The following MRAS variants were observed in gnomAD, a reference collection of about 807,000 sequenced individuals.
MRAS encodes the protein muscle RAS oncogene homolog.
A neutral mutation model predicts 20.9 loss-of-function variants in MRAS; 4 were observed. The ratio of observed to expected loss-of-function variants is 0.19; its 90% CI spans 0.09 to 0.44. The LOEUF (loss-of-function observed/expected upper bound fraction) is 0.44, where lower values mean the gene tolerates loss of function less well. MRAS is among the 20% of genes least tolerant of loss of function. The pLI is 0.99. For synonymous variants in MRAS, 98 were observed against 102.9 expected (o/e 0.95, Z 0.29); for missense variants, 154 against 277.5 (o/e 0.56, Z 3.16).
At chr3:138,358,457 C>T (rs1310554685) in intron 1 of MRAS, among the ~76,000 whole-genome samples, 1 of 152,218 alleles carries the variant, frequency 6.6e-6, no homozygotes, top group African/African-American at 2.4e-5. Flanking sequence ...ATTAAGCTAT[C>T]ATTATTACTA....
chr3:138,362,995 T>A (rs1265626585), intron 1 of MRAS, among the ~76,000 whole-genome samples: 1 of 152,078 alleles, frequency 6.6e-6, no homozygotes, highest in Non-Finnish European at 1.5e-5. Context: ...TTTTGTCGCT[T>A]CTATTCTTTA....
chr3:138,355,258 G>T (rs1193835436), intron 1 of MRAS, among the ~76,000 whole-genome samples: 1 of 152,142 alleles, frequency 6.6e-6, no homozygotes, highest in Admixed American at 6.5e-5. Flanking sequence ...GAGTAAGGCG[G>T]CAGAGCCAAC....
intron 1 of MRAS, among the ~76,000 whole-genome samples, chr3:138,352,644 CCTT>C (rs2054250873): frequency 6.6e-6 from 1 of 152,076 alleles, no homozygotes; most frequent in Non-Finnish European, 1.5e-5. Flanking sequence ...GCTGAAGTGA[CCTT>C]CTGAGTCTCA....
intron 1 of MRAS, among the ~76,000 whole-genome samples, chr3:138,366,601 G>A (rs1283044702): frequency 6.6e-6 from 1 of 152,250 alleles, no homozygotes; most frequent in Non-Finnish European, 1.5e-5. Flanking sequence ...CAGCAACAAT[G>A]ATGAAGAATG....
At chr3:138,384,609 A>G (rs1336088156) in intron 2 of MRAS, among the ~76,000 whole-genome samples, 1 of 152,146 alleles carries the variant, frequency 6.6e-6, no homozygotes, top group Non-Finnish European at 1.5e-5. Context: ...TTTCACACAT[A>G]CAAGTAGAAG....
intron 2 of MRAS, among the ~76,000 whole-genome samples, chr3:138,395,233 G>A (rs1034514744): frequency 1.3e-5 from 2 of 151,898 alleles, no homozygotes; most frequent in African/African-American, 4.8e-5. Context: ...TAGAGACGGG[G>A]TTTCATTTGG....
chr3:138,365,114 A>C (rs970291156), intron 1 of MRAS, among the ~76,000 whole-genome samples: 3 of 152,236 alleles, frequency 2.0e-5, no homozygotes, highest in African/African-American at 7.2e-5. Context: ...AAGTTATTTT[A>C]CTACTCTGTG....
chr3:138,364,284 A>G (rs1476418195), intron 1 of MRAS, among the ~76,000 whole-genome samples: 2 of 152,162 alleles, frequency 1.3e-5, no homozygotes, highest in East Asian at 3.9e-4. Context: ...AAGGCTTTGG[A>G]GAAGCAGGAG....
intron 2 of MRAS, among the ~76,000 whole-genome samples, chr3:138,394,449 T>G (rs2055193688): frequency 6.6e-6 from 1 of 152,106 alleles, no homozygotes; most frequent in South Asian, 2.1e-4. Context: ...TGGGGACAGG[T>G]GACTTTCTTG....
intron 5 of MRAS, among the ~76,000 whole-genome samples, chr3:138,401,700 A>T (rs1293483249): frequency 6.6e-6 from 1 of 152,226 alleles, no homozygotes; most frequent in Non-Finnish European, 1.5e-5. Flanking sequence ...CAGGTAGCCT[A>T]TGGTGATGCC....
At chr3:138,385,871 A>G (rs1014662713) in intron 2 of MRAS, among the ~76,000 whole-genome samples, 2 of 152,184 alleles carry the variant, frequency 1.3e-5, no homozygotes, top group Non-Finnish European at 2.9e-5. Flanking sequence ...GCTGGTGGAA[A>G]TAAACCAATA....
chr3:138,396,380 G>T (rs143516950), intron 2 of MRAS, among the ~76,000 whole-genome samples: 9 of 152,182 alleles, frequency 5.9e-5, no homozygotes, highest in Admixed American at 1.3e-4. Context: ...GTAACCACCC[G>T]CTCCCCTGCC....
At chr3:138,358,007 T>A (rs775085987) in intron 1 of MRAS, among the ~76,000 whole-genome samples, 1 of 152,204 alleles carries the variant, frequency 6.6e-6, no homozygotes, top group Non-Finnish European at 1.5e-5. Context: ...AGGATAACAA[T>A]CTGTCTTAGA....
intron 2 of MRAS, among the ~76,000 whole-genome samples, chr3:138,387,656 A>G (rs1331512405): frequency 1.3e-5 from 2 of 152,164 alleles, no homozygotes; most frequent in African/African-American, 2.4e-5. Flanking sequence ...CTGCGCTGCC[A>G]GGCCCCCGTC....
intron 2 of MRAS, among the ~76,000 whole-genome samples, chr3:138,386,660 T>G (rs2055021768): frequency 6.6e-6 from 1 of 152,092 alleles, no homozygotes; most frequent in African/African-American, 2.4e-5. Context: ...ATTTTTGTAT[T>G]TTTAGTAGCG....
intron 1 of MRAS, among the ~76,000 whole-genome samples, chr3:138,356,595 T>C (rs2108496977): frequency 6.6e-6 from 1 of 152,334 alleles, no homozygotes; most frequent in Admixed American, 6.5e-5. Context: ...CAGTCTATCA[T>C]GGTCTTCTTT....
intron 2 of MRAS, among the ~76,000 whole-genome samples, chr3:138,393,846 TGCCCA>T (rs753793182): frequency 6.5e-4 from 99 of 152,126 alleles, no homozygotes; most frequent in Admixed American, 3.9e-3. Context: ...CCTGCCACCA[TGCCCA>T]GCTAATTTTT....
intron 2 of MRAS, among the ~76,000 whole-genome samples, chr3:138,393,227 C>T (rs1316228115): frequency 6.6e-6 from 1 of 152,104 alleles, no homozygotes; most frequent in East Asian, 1.9e-4. Flanking sequence ...GTTAAACTTA[C>T]CTGTTCTTTT....
At chr3:138,395,246 A>G (rs1379430156) in intron 2 of MRAS, among the ~76,000 whole-genome samples, 2 of 152,022 alleles carry the variant, frequency 1.3e-5, no homozygotes, top group African/African-American at 4.8e-5. Context: ...TCATTTGGCC[A>G]GGCTGGTCTC....
Sources: gnomAD v4.1 joint callset for allele counts (sites outside exome capture counted in the v4.1 genomes callset) on GRCh38, gnomAD v4.1.1 for gene constraint, MANE v1.5 for transcripts, NCBI Gene and HGNC (gene_info 2026-07-23, HGNC 2026-07-21) for gene names.